Variants in NR2F2 observed in about 807,000 individuals in gnomAD.
The protein encoded by NR2F2 is nuclear receptor subfamily 2 group F member 2.
Under a neutral mutation model 34.8 loss-of-function variants are expected in NR2F2, and 2 were observed. The ratio of observed to expected loss-of-function variants is 0.06; its 90% confidence interval spans 0.02 to 0.18. The LOEUF (loss-of-function observed/expected upper bound fraction) is 0.18. Ranked by LOEUF, NR2F2 falls within the 10% of genes least tolerant of loss-of-function variation. The pLI, the probability that NR2F2 is intolerant of heterozygous loss-of-function variation, is 1.00. For missense variants in NR2F2, 300 were observed against 580.1 expected (o/e 0.52, Z 4.96); for synonymous variants, 274 against 251.8 (o/e 1.09, Z -0.84).
Position 96,331,367 on chromosome 15 carries a change from G to T in NR2F2, c.-739G>T. The T allele has an allele frequency of 8.2e-7, 1 of 1,220,008 alleles. No homozygotes were observed. Among genetic ancestry groups the T allele is most frequent in the South Asian group, 4.1e-5 (1 of 24,250 alleles). The allele number at this position is 1,220,008 out of a possible 1,614,324, so 75.6% of individuals were successfully genotyped here. On this transcript the variant is annotated 5_prime_UTR_variant, in exon 1 of 3. Transcript: ENST00000394166. ...TTTCATGCTGATTCCCCCGGACCCG[G>T]GCAGCGCTCCGGCCACTCCGCGGGC...
In NR2F2 at chr15:96,332,293, C is replaced by T. The variant is rs763592860; in HGVS notation, c.188C>T (p.Pro63Leu). ...AQTAAGGQGG[P>L]GGPGSDKQQQ... ...ACGGCGGCCGGTGGCCAGGGCGGCC[C>T]TGGCGGCCCGGGTAGCGACAAGCAG... Residue 63 changes from proline (P) to leucine (L), a missense_variant, in exon 1 of 3, where the codon CCT becomes CTT. Around this residue, in one of 6 missense-constraint regions of NR2F2, gnomAD observed 105 missense variants for 107.8 expected, o/e 0.97. Transcript: ENST00000394166. The T allele has an allele frequency of 2.6e-5, 41 of 1,568,774 alleles. No individual in the cohort carries two copies. The highest frequency in any genetic ancestry group is 3.2e-5 in the Non-Finnish European group (37 of 1,158,052).
At chr15:96,326,186 CG>C, upstream of NR2F2, 1 of 825,902 alleles carries the variant, frequency 1.2e-6, no homozygotes, top group South Asian at 1.5e-5. This position sits in a 1 kb window ranked among gnomAD's most constrained non-coding sequence, Gnocchi z 5.5. Flanking sequence ...TTTGCACAAT[CG>C]CTTAGATAAA....
upstream of NR2F2, chr15:96,330,698 C>T: frequency 4.9e-6 from 1 of 203,206 alleles, no homozygotes; most frequent in Non-Finnish European, 9.1e-6. Context: ...GAGCTGATCG[C>T]GGAGAAGCCA....
intron 2 of NR2F2, among the ~76,000 whole-genome samples, chr15:96,335,633 C>T (rs1258241696): frequency 2.0e-5 from 3 of 152,130 alleles, no homozygotes; most frequent in Non-Finnish European, 2.9e-5. Flanking sequence ...AACATCTGGA[C>T]GTTAGCAGGG....
At chr15:96,328,199 T>C (rs1259764663), upstream of NR2F2, among the ~76,000 whole-genome samples, 1 of 152,224 alleles carries the variant, frequency 6.6e-6, no homozygotes, top group Non-Finnish European at 1.5e-5. Flanking sequence ...GAAACACCCC[T>C]GACTTTATGG....
rs1899438379 is a variant in NR2F2 at position 96,339,545 on chromosome 15, C to T, written c.*1923C>T. The stretch of plus-strand genomic sequence containing the variant: ...AGTTATGTACATAAAAACACATCGA[C>T]ATTTTGACATTTCAGATTGTGTGGC... On this transcript the variant is annotated 3_prime_UTR_variant, in exon 3 of 3. Coordinates refer to ENST00000394166, the MANE Select transcript of NR2F2 (RefSeq NM_021005.4). 6.6e-6 allele frequency: 1 copy of T among 152,064 alleles called. No individual in the cohort carries two copies. Among genetic ancestry groups the T allele is most frequent in the Admixed American group, 6.5e-5 (1 of 15,270 alleles). 9.4% of individuals were successfully genotyped at this position (152,064 alleles called of 1,614,324 possible).
Position 96,331,654 on chromosome 15 carries a change from G to T in NR2F2, c.-452G>T. ...TAAGAGCGAGAGTGAACGAGAGAGGGAGGGAGAGAGTGAGAGCGAGCGAGA... is the reference window on the plus strand; with the variant it reads ...TAAGAGCGAGAGTGAACGAGAGAGGTAGGGAGAGAGTGAGAGCGAGCGAGA... On this transcript the variant is annotated 5_prime_UTR_variant, in exon 1 of 3. Transcript: ENST00000394166. 8.7e-7 allele frequency: 1 copy of T among 1,148,810 alleles called. No individual in the cohort carries two copies. Among genetic ancestry groups the T allele is most frequent in the Non-Finnish European group, 1.1e-6 (1 of 915,554 alleles). The allele number at this position is 1,148,810 out of a possible 1,614,324, so 71.2% of individuals were successfully genotyped here. A position where few individuals can be genotyped will look rare whatever the true frequency, so the allele number is the denominator to read the frequency against.
At chr15:96,329,311 C>G (rs1899068014), upstream of NR2F2, among the ~76,000 whole-genome samples, 1 of 152,194 alleles carries the variant, frequency 6.6e-6, no homozygotes, top group African/African-American at 2.4e-5. Flanking sequence ...GAGAGCAATT[C>G]TACATGTTTG....
intron 2 of NR2F2, among the ~76,000 whole-genome samples, chr15:96,334,831 C>T (rs1020351893): frequency 7.9e-5 from 12 of 152,268 alleles, no homozygotes; most frequent in African/African-American, 2.9e-4. Flanking sequence ...AGATTCCCCA[C>T]ATGGGCCATA....
chr15:96,333,706 C>T (rs1485791852), intron 1 of NR2F2: 2 of 1,174,060 alleles, frequency 1.7e-6, no homozygotes, highest in Non-Finnish European at 2.1e-6. Flanking sequence ...CTCCCGCTCC[C>T]TCTCCTCCAA....
In NR2F2 at chr15:96,331,708, C is replaced by T. The variant is rs1176170023; in HGVS notation, c.-398C>T. The T allele has an allele frequency of 7.8e-5, 80 of 1,029,958 alleles. No homozygotes were observed. The highest frequency in any genetic ancestry group is 8.9e-5 in the Non-Finnish European group (72 of 809,578). The allele number at this position is 1,029,958 out of a possible 1,614,324, so 63.8% of individuals were successfully genotyped here. A position where few individuals can be genotyped will look rare whatever the true frequency, so the allele number is the denominator to read the frequency against. The stretch of plus-strand genomic sequence containing the variant: ...TTGGAGAGATTTTTTTTTTTGCCTC[C>T]TACTTCTGTCTTGAAGCCAGACAAT... On this transcript the variant is annotated 5_prime_UTR_variant, in exon 1 of 3. Transcript: ENST00000394166.
chr15:96,335,039 CAG>C (rs1478252442), intron 2 of NR2F2, among the ~76,000 whole-genome samples: 3 of 152,274 alleles, frequency 2.0e-5, no homozygotes, highest in Non-Finnish European at 2.9e-5. Context: ...ATTGTCTCTG[CAG>C]GGAAAAGTTT....
chr15:96,332,016 G>A lies in NR2F2; in HGVS notation c.-90G>A, dbSNP rs1899160640. ...CACCCTCGCACACACAAAAGGCGGC[G>A]CGCCGGAGCCCGAGACCCGGGGAGC... On this transcript the variant is annotated 5_prime_UTR_variant, in exon 1 of 3. Transcript: ENST00000394166. 1 of 1,227,746 alleles carries A rather than the reference G, an allele frequency of 8.1e-7. No homozygotes were observed. The allele number at this position is 1,227,746 out of a possible 1,614,324, so 76.1% of individuals were successfully genotyped here.
intron 1 of NR2F2, chr15:96,333,843 G>A: frequency 2.1e-6 from 3 of 1,418,264 alleles, no homozygotes; most frequent in Non-Finnish European, 2.8e-6. Context: ...GACCAGCCCC[G>A]AGCGGGCCTC....
In NR2F2 at chr15:96,331,681, C is replaced by T; in HGVS notation, c.-425C>T. ...GGGAGAGAGTGAGAGCGAGCGAGAT[C>T]TTTGGAGAGATTTTTTTTTTTGCCT... is the stretch of plus-strand genomic sequence containing the variant. On this transcript the variant is annotated 5_prime_UTR_variant, in exon 1 of 3. Transcript: ENST00000394166. 9.1e-7 allele frequency: 1 copy of T among 1,093,410 alleles called. No individual in the cohort carries two copies. Among genetic ancestry groups the T allele is most frequent in the South Asian group, 4.8e-5 (1 of 20,914 alleles). 67.7% of individuals were successfully genotyped at this position (1,093,410 alleles called of 1,614,324 possible). A position where few individuals can be genotyped will look rare whatever the true frequency, so the allele number is the denominator to read the frequency against.
rs1015006898 is a variant in NR2F2 at position 96,331,566 on chromosome 15, ACCTCCTCTT to A, written c.-532_-524del. 2 of 1,208,194 alleles carry A rather than the reference ACCTCCTCTT, an allele frequency of 1.7e-6. No individual in the cohort carries two copies. Among genetic ancestry groups the A allele is most frequent in the East Asian group, 3.2e-5 (1 of 30,850 alleles). The allele number at this position is 1,208,194 out of a possible 1,614,324, so 74.8% of individuals were successfully genotyped here. ...CTCCTCTACCTCCTCCTTCACCACC[ACCTCCTCTT>A]CCTCCTCCTCCTCCTCCTCCTCCTC... On this transcript the variant is annotated 5_prime_UTR_variant, in exon 1 of 3. Transcript: ENST00000394166.
rs1481198231 is a variant in NR2F2 at position 96,331,058 on chromosome 15, AGCAGCAGCAGCGGCTCCGGCG to A, written c.-1045_-1025del. On this transcript the variant is annotated 5_prime_UTR_variant, in exon 1 of 3. Transcript: ENST00000394166. ...ATGTGTGTGAGGCGGCGGCGGCAGC[AGCAGCAGCAGCGGCTCCGGCG>A]GCGGCAGCAGCGGCAGCAGCGACTT... 8.1e-7 allele frequency: 1 copy of A among 1,239,446 alleles called. No individual in the cohort carries two copies. Among genetic ancestry groups the A allele is most frequent in the African/African-American group, 1.6e-5 (1 of 63,668 alleles). The allele number at this position is 1,239,446 out of a possible 1,614,324, so 76.8% of individuals were successfully genotyped here.
intron 1 of NR2F2, 94 bp from the exon 2 acceptor site, chr15:96,333,982 G>T: frequency 6.5e-7 from 1 of 1,539,768 alleles, no homozygotes; most frequent in East Asian, 2.3e-5. Context: ...CAGGGCCTGG[G>T]TCAGGTGGGG....
At chr15:96,333,684 C>G (rs2141168472) in intron 1 of NR2F2, 5 of 1,128,156 alleles carry the variant, frequency 4.4e-6, no homozygotes, top group Non-Finnish European at 5.4e-6. Context: ...CACCCTCCCC[C>G]CAGACTCGCC....
Sources: gnomAD v4.1 joint callset for allele counts (sites outside exome capture counted in the v4.1 genomes callset) on GRCh38, gnomAD v4.1.1 for gene constraint, gnomAD v4.1.1 regional missense constraint, Gnocchi (gnomAD v3.1) non-coding constraint, MANE v1.5 for transcripts, NCBI Gene and HGNC (gene_info 2026-07-23, HGNC 2026-07-21) for gene names.